The following PKD1L1 variants were observed in gnomAD, a reference collection of about 807,000 sequenced individuals.
PKD1L1 encodes polycystin-1-like protein 1.
Under a neutral mutation model 323.4 loss-of-function variants are expected in PKD1L1, and 236 were observed. The observed-to-expected ratio is 0.73, with a 90% CI of 0.66 to 0.81. The LOEUF (loss-of-function observed/expected upper bound fraction) is 0.81. PKD1L1 is among the 40% of genes least tolerant of loss of function. The probability of loss-of-function intolerance (pLI) is 0.00; values close to 1 mark genes in which losing one functional copy is unlikely to be tolerated. For missense variants in PKD1L1, 3,320 were observed against 3,508.0 expected (o/e 0.95, Z 1.35); for synonymous variants, 1,344 against 1,335.0 (o/e 1.01, Z -0.15).
At chr7:47,938,680 A>C (rs1052328703) in intron 3 of PKD1L1, among the ~76,000 whole-genome samples, 8 of 152,182 alleles carry the variant, frequency 5.3e-5, no homozygotes, top group African/African-American at 1.9e-4. Context: ...CCAAAACCAG[A>C]GAGCCCCCTG....
At chr7:47,902,336 C>A in intron 13 of PKD1L1, 43 bp downstream of exon 13, 1 of 1,606,204 alleles carries the variant, frequency 6.2e-7, no homozygotes, top group Non-Finnish European at 8.5e-7. Context: ...CAGAGGGAGG[C>A]TGAAAAGAGG....
intron 16 of PKD1L1, 63 bp from the exon 17 acceptor site, chr7:47,888,213 A>G (rs1786726989): frequency 6.6e-7 from 1 of 1,515,518 alleles, no homozygotes; most frequent in Non-Finnish European, 9.1e-7. Flanking sequence ...TGGTCACATT[A>G]ATTCATGTTA....
rs1784855313 is a variant in PKD1L1, at chr7:47,809,742, A to T, written c.7582-165T>A. On this transcript the variant is annotated intron_variant, in intron 50 of 56. Coordinates refer to ENST00000289672, the MANE Select transcript of PKD1L1 (RefSeq NM_138295.5). ...TTTAATCCTAAACTTGCTCTTCAGTAGGCACTTGGGGTGTTTGGTGCCTCT... is the reference window on the plus strand; with the variant it reads ...TTTAATCCTAAACTTGCTCTTCAGTTGGCACTTGGGGTGTTTGGTGCCTCT... 9.8e-6 allele frequency: 5 copies of T among 510,586 alleles called. No homozygotes were observed. The South Asian group carries it at 1.6e-4, about 16-fold the overall frequency. 31.6% of individuals were successfully genotyped at this position (510,586 alleles called of 1,614,324 possible). A position where few individuals can be genotyped will look rare whatever the true frequency, so the allele number is the denominator to read the frequency against.
intron 15 of PKD1L1, among the ~76,000 whole-genome samples, chr7:47,893,298 C>A (rs116014624): frequency 2.0e-5 from 3 of 150,348 alleles, no homozygotes; most frequent in African/African-American, 7.4e-5. Context: ...GGTCCTTCCA[C>A]GGGTACAGAA....
chr7:47,815,436 A>T lies in PKD1L1; in HGVS notation c.6987T>A (p.Gly2329=). 1 of 1,614,052 alleles carries T rather than the reference A, an allele frequency of 6.2e-7. No homozygotes were observed. Among genetic ancestry groups the T allele is most frequent in the Non-Finnish European group, 8.5e-7 (1 of 1,179,958 alleles). The change falls in exon 47 of 57, where the codon GGT becomes GGA. Residue 2329 remains glycine, a synonymous_variant. Coordinates refer to ENST00000289672, the MANE Select transcript of PKD1L1 (RefSeq NM_138295.5). ...EFTRNARNCL[G]GLRNIADWWD... is the part of the protein sequence containing the mutation. Reference sequence around the variant, plus strand: ...ACCAGTCAGCGATGTTTCTCAGGCCACCCAAGCAGTTTCTGGCATTTCTTA... The same window carrying T: ...ACCAGTCAGCGATGTTTCTCAGGCCTCCCAAGCAGTTTCTGGCATTTCTTA...
At chr7:47,864,139 C>A (rs548223869) in intron 26 of PKD1L1, among the ~76,000 whole-genome samples, 1 of 152,240 alleles carries the variant, frequency 6.6e-6, no homozygotes, top group East Asian at 1.9e-4. Flanking sequence ...GCCGCCTGCA[C>A]CCATGCAGGC....
At chr7:47,888,249 G>A in intron 16 of PKD1L1, 99 bp from the exon 17 acceptor site, 1 of 1,284,804 alleles carries the variant, frequency 7.8e-7, no homozygotes, top group African/African-American at 1.5e-5. Flanking sequence ...CCCTACTTTG[G>A]ATCTTTATTA....
At position 47,796,165 on chromosome 7, in the gene PKD1L1, AAAAT is replaced by A. The variant is rs1434163445; in HGVS notation, c.8194-19_8194-16del. On this transcript the variant is annotated splice_polypyrimidine_tract_variant and intron_variant, in intron 54 of 56. Coordinates refer to ENST00000289672, the MANE Select transcript of PKD1L1 (RefSeq NM_138295.5). ...AAACCTCTCAGCTAGGAAAAAGAAA[AAAAT>A]AAAGACAAATTTCATGTTAGCAGCC... is the stretch of plus-strand genomic sequence containing the variant. The A allele has an allele frequency of 6.4e-7, 1 of 1,563,498 alleles. No individual in the cohort carries two copies. The highest frequency in any genetic ancestry group is 1.4e-5 in the African/African-American group (1 of 72,304).
chr7:47,900,391 C>T (rs1378145819), intron 13 of PKD1L1, among the ~76,000 whole-genome samples: 1 of 152,198 alleles, frequency 6.6e-6, no homozygotes. Context: ...AAAGGCCATA[C>T]ACTTGCAGAA....
At chr7:47,933,066 G>A (rs1413220158) in intron 4 of PKD1L1, among the ~76,000 whole-genome samples, 1 of 152,212 alleles carries the variant, frequency 6.6e-6, no homozygotes, top group Non-Finnish European at 1.5e-5. Flanking sequence ...ATTAGATGAT[G>A]AGAAAGAAAA....
chr7:47,863,692 G>A (rs1415260734), intron 26 of PKD1L1, among the ~76,000 whole-genome samples: 1 of 152,138 alleles, frequency 6.6e-6, no homozygotes, highest in Non-Finnish European at 1.5e-5. Context: ...AGCAGCGGCA[G>A]TGTGGATGGA....
rs2686817 is a variant in PKD1L1, at chr7:47,929,330, C to A, written c.934G>T (p.Val312Phe). 0.49 allele frequency: 794,008 copies of A among 1,613,796 alleles called. 196,952 individuals are homozygous for A. Among genetic ancestry groups the A allele is most frequent in the Admixed American group, 0.52 (30,941 of 60,002 alleles). ...AGAGCCTCTCCAGAAGCCATATGAA[C>A]ACGGAATCCCAGATTTGGAGGTGCC... ...ARAPPNLGFR[V>F]HMASGEALCL... Residue 312 changes from valine (V) to phenylalanine (F), a missense_variant, in exon 7 of 57, where the codon GTT becomes TTT. By Grantham distance (50) the Val-to-Phe change is conservative (BLOSUM62 -1). Transcript: ENST00000289672.
rs1785597221 is a variant in PKD1L1 at position 47,843,147 on chromosome 7, T to C, written c.5260A>G (p.Ser1754Gly). 1.9e-6 allele frequency: 3 copies of C among 1,611,914 alleles called. No homozygotes were observed. The highest frequency in any genetic ancestry group is 2.5e-6 in the Non-Finnish European group (3 of 1,179,460). ...ATCACAGAACCCATAATAAAAATAC[T>C]GGGAAGCAAGTTTTCTGGGTGGCTA... Reference protein sequence around the residue: ...LQSHPENLLPSIFIMGSVILY... With the variant: ...LQSHPENLLPGIFIMGSVILY... Residue 1754 changes from serine to glycine, a missense_variant, in exon 34 of 57, where the codon AGT becomes GGT. Ser to Gly is a moderately conservative substitution (Grantham distance 56). Coordinates refer to ENST00000289672, the MANE Select transcript of PKD1L1 (RefSeq NM_138295.5).
chr7:47,856,882 C>T (rs1456091155), intron 28 of PKD1L1, among the ~76,000 whole-genome samples: 3 of 151,972 alleles, frequency 2.0e-5, no homozygotes, highest in Non-Finnish European at 4.4e-5. Context: ...AAATGAGCCA[C>T]GTACTTGAGC....
At chr7:47,845,219 A>G in intron 32 of PKD1L1, 141 bp from the exon 33 acceptor site, 3 of 652,484 alleles carry the variant, frequency 4.6e-6, no homozygotes, top group Non-Finnish European at 5.0e-6. Context: ...CCAGTTTAAA[A>G]GATTCACCTG....
chr7:47,844,886 TAGTA>T (rs1311930279), intron 33 of PKD1L1, 105 bp downstream of exon 33: 40 of 757,754 alleles, frequency 5.3e-5, no homozygotes, highest in Non-Finnish European at 8.2e-5. Context: ...AATGCAATGA[TAGTA>T]AGTAACATGG....
chr7:47,899,824 C>T (rs113792080), intron 13 of PKD1L1, among the ~76,000 whole-genome samples: 1,910 of 151,938 alleles, frequency 0.013, 33 homozygotes, highest in African/African-American at 0.043. Context: ...GGTGTGGTGG[C>T]GGACGCCTGT....
intron 54 of PKD1L1, among the ~76,000 whole-genome samples, chr7:47,799,105 G>A (rs764569054): frequency 3.3e-5 from 5 of 152,110 alleles, no homozygotes; most frequent in Non-Finnish European, 5.9e-5. Flanking sequence ...TCTTTGTTTC[G>A]CCATTGCCTG....
intron 13 of PKD1L1, among the ~76,000 whole-genome samples, chr7:47,901,040 G>A (rs142457898): frequency 7.2e-4 from 110 of 151,966 alleles, no homozygotes; most frequent in African/African-American, 2.4e-3. Flanking sequence ...TAGAAAACAC[G>A]TAAAATAAAG....
Sources: gnomAD v4.1 joint callset for allele counts (sites outside exome capture counted in the v4.1 genomes callset) on GRCh38, gnomAD v4.1.1 for gene constraint, MANE v1.5 for transcripts, NCBI Gene and HGNC (gene_info 2026-07-23, HGNC 2026-07-21) for gene names.